The following SERGEF variants were observed in gnomAD, a reference collection of about 807,000 sequenced individuals.
SERGEF encodes secretion regulating guanine nucleotide exchange factor, also known as secretion-regulating guanine nucleotide exchange factor.
SERGEF carries 51 observed loss-of-function variants against 50.0 expected under a neutral mutation model. The observed-to-expected ratio is 1.02, with a 90% CI of 0.81 to 1.29. SERGEF has a LOEUF of 1.29. Among genes scored for constraint, SERGEF ranks in the 50% most tolerant of loss-of-function variants. The probability of loss-of-function intolerance (pLI) is 0.00; values close to 1 mark genes in which losing one functional copy is unlikely to be tolerated. For missense variants in SERGEF, 521 were observed against 557.0 expected (o/e 0.94, Z 0.65); for synonymous variants, 205 against 212.4 (o/e 0.97, Z 0.30).
intron 9 of SERGEF, among the ~76,000 whole-genome samples, chr11:17,913,927 G>A (rs988154054): frequency 1.3e-5 from 2 of 152,204 alleles, no homozygotes; most frequent in African/African-American, 4.8e-5. Context: ...TCCAAGGGCA[G>A]CCAGGGAAGG....
chr11:17,855,760 C>T (rs1850806115), intron 10 of SERGEF: 1 of 152,216 alleles, frequency 6.6e-6, no homozygotes, highest in African/African-American at 2.4e-5. Flanking sequence ...CCCTCTGAGA[C>T]ACGATTTGAA....
At chr11:17,955,430 G>A (rs2133967713) in intron 9 of SERGEF, among the ~76,000 whole-genome samples, 1 of 152,280 alleles carries the variant, frequency 6.6e-6, no homozygotes, top group Middle Eastern at 3.4e-3. Flanking sequence ...TATGGAATGG[G>A]CAAGAACTCA....
chr11:17,913,230 C>G (rs796470969), intron 9 of SERGEF, among the ~76,000 whole-genome samples: 1 of 152,342 alleles, frequency 6.6e-6, no homozygotes, highest in African/African-American at 2.4e-5. Context: ...ACCCAATCAC[C>G]ATCCTGCCTC....
intron 4 of SERGEF, 64 bp downstream of exon 4, chr11:18,004,377 A>G (rs911849338): frequency 3.0e-5 from 35 of 1,183,418 alleles, no homozygotes; most frequent in Admixed American, 9.6e-5. Context: ...CTGGGGAGAG[A>G]TAGGTTAATA....
chr11:17,997,178 C>G (rs1565226551), intron 5 of SERGEF, among the ~76,000 whole-genome samples: 1 of 152,112 alleles, frequency 6.6e-6, no homozygotes, highest in Non-Finnish European at 1.5e-5. Context: ...GCCTGGGCAA[C>G]AGAATGAGAC....
rs141982901 is a variant in SERGEF at position 17,866,574 on chromosome 11, G to C, written c.1048+11634C>G. Among the ~76,000 whole-genome samples the C allele has an allele frequency of 1.3e-4, 20 of 152,258 alleles. 1 individual carries two copies. In the East Asian group the frequency reaches 2.3e-3, roughly 18 times the overall value. ...GGCTGGAGTCCAGTGGCAGGATCTTGGCTCGCTACAACCTCCGCCTCCCTG... is the reference window on the plus strand; with the variant it reads ...GGCTGGAGTCCAGTGGCAGGATCTTCGCTCGCTACAACCTCCGCCTCCCTG... On this transcript the variant is annotated intron_variant, in intron 10 of 10. Coordinates refer to ENST00000265965, the MANE Select transcript of SERGEF (RefSeq NM_012139.4).
chr11:17,887,159 T>C (rs501996), intron 9 of SERGEF, among the ~76,000 whole-genome samples: 58,476 of 152,008 alleles, frequency 0.38, 11,360 homozygotes, highest in South Asian at 0.42. Context: ...CAATAGATCC[T>C]ACTGCTGAGG....
intron 8 of SERGEF, among the ~76,000 whole-genome samples, chr11:17,979,355 T>C (rs1055026863): frequency 2.0e-5 from 3 of 152,194 alleles, no homozygotes; most frequent in Non-Finnish European, 4.4e-5. Context: ...GGGTATCCAA[T>C]GTATCTCCCT....
chr11:18,002,060 T>A (rs1170179784), intron 4 of SERGEF: 1 of 455,990 alleles, frequency 2.2e-6, no homozygotes, highest in South Asian at 1.5e-5. Flanking sequence ...ACTATACTTC[T>A]GTCAATGGAG....
chr11:17,814,096 G>C (rs1215541585), intron 10 of SERGEF, among the ~76,000 whole-genome samples: 1 of 152,214 alleles, frequency 6.6e-6, no homozygotes, highest in Non-Finnish European at 1.5e-5. Flanking sequence ...AAATGTCTTT[G>C]TTGAGAACTC....
At chr11:17,994,142 G>A (rs1005515483) in intron 6 of SERGEF, among the ~76,000 whole-genome samples, 18 of 152,088 alleles carry the variant, frequency 1.2e-4, no homozygotes, top group Admixed American at 1.3e-4. Context: ...AGTATACTGT[G>A]CTATCCATGC....
intron 10 of SERGEF, among the ~76,000 whole-genome samples, chr11:17,865,571 G>A (rs1464501578): frequency 6.6e-6 from 1 of 151,902 alleles, no homozygotes; most frequent in East Asian, 1.9e-4. Context: ...CCCCGTACAG[G>A]CCTGAGCTAA....
chr11:17,823,525 T>G (rs972424135), intron 10 of SERGEF, among the ~76,000 whole-genome samples: 6 of 152,048 alleles, frequency 3.9e-5, no homozygotes, highest in African/African-American at 7.2e-5. Context: ...TAGAGGGAAC[T>G]GCAATGTAGG....
At chr11:17,798,398 A>G (rs1358919709) in intron 10 of SERGEF, among the ~76,000 whole-genome samples, 1 of 152,250 alleles carries the variant, frequency 6.6e-6, no homozygotes, top group Admixed American at 6.5e-5. Flanking sequence ...TCAACACTGC[A>G]TGGAAGAGAA....
intron 9 of SERGEF, among the ~76,000 whole-genome samples, chr11:17,931,508 C>T (rs1214357689): frequency 1.3e-5 from 2 of 152,156 alleles, no homozygotes; most frequent in African/African-American, 4.8e-5. Flanking sequence ...TTTAATATGT[C>T]CTACCCATTC....
intron 8 of SERGEF, among the ~76,000 whole-genome samples, chr11:17,971,530 T>C (rs555401960): frequency 5.3e-5 from 8 of 152,174 alleles, no homozygotes; most frequent in Non-Finnish European, 1.0e-4. Context: ...AGCACATCTG[T>C]TTATAGCATG....
chr11:17,817,482 C>G (rs1850000418), intron 10 of SERGEF, among the ~76,000 whole-genome samples: 1 of 152,142 alleles, frequency 6.6e-6, no homozygotes, highest in African/African-American at 2.4e-5. Context: ...TCCCAAAGTG[C>G]TGGGATTACA....
intron 9 of SERGEF, chr11:17,926,936 C>T (rs1852263605): frequency 2.3e-6 from 1 of 433,554 alleles, no homozygotes; most frequent in Non-Finnish European, 4.7e-6. Flanking sequence ...CTCCTATGCC[C>T]CTCCCCAACT....
intron 8 of SERGEF, among the ~76,000 whole-genome samples, chr11:17,977,920 C>T (rs1477127177): frequency 2.0e-5 from 3 of 152,144 alleles, no homozygotes; most frequent in Non-Finnish European, 4.4e-5. Context: ...GTTTATAAGC[C>T]ACCCAGTCTA....
Sources: gnomAD v4.1 joint callset for allele counts (sites outside exome capture counted in the v4.1 genomes callset) on GRCh38, gnomAD v4.1.1 for gene constraint, MANE v1.5 for transcripts, NCBI Gene and HGNC (gene_info 2026-07-23, HGNC 2026-07-21) for gene names.